The following CDK10 variants were observed in gnomAD, a reference collection of about 807,000 sequenced individuals.
CDK10 encodes the protein cyclin dependent kinase 10.
Under a neutral mutation model 51.0 loss-of-function variants are expected in CDK10, and 55 were observed. That is an observed-to-expected ratio of 1.08 (90% CI 0.87 to 1.35). The LOEUF is 1.35. Ranked by LOEUF, CDK10 falls within the 40% of genes most tolerant of loss-of-function variation. CDK10 has a pLI of 0.00. For synonymous variants in CDK10, 255 were observed against 199.1 expected (o/e 1.28, Z -2.36); for missense variants, 589 against 485.1 (o/e 1.21, Z -2.01).
At position 89,690,630 on chromosome 16, in the gene CDK10, C is replaced by G; in HGVS notation, c.232+6C>G. On this transcript the variant is annotated splice_donor_region_variant and intron_variant, in intron 3 of 12. Coordinates refer to ENST00000353379, the MANE Select transcript of CDK10 (RefSeq NM_052988.5). Reference sequence around the variant, plus strand: ...GATGGACAAGGAGAAGGATGGTGAGCAGGAAATTGGGGTGTTGGGACCTCG... The same window carrying G: ...GATGGACAAGGAGAAGGATGGTGAGGAGGAAATTGGGGTGTTGGGACCTCG... The G allele has an allele frequency of 6.2e-7, 1 of 1,612,930 alleles. No homozygotes were observed. Among genetic ancestry groups the G allele is most frequent in the Non-Finnish European group, 8.5e-7 (1 of 1,178,956 alleles).
chr16:89,693,499 G>A, intron 8 of CDK10, 32 bp downstream of exon 8: 1 of 1,607,820 alleles, frequency 6.2e-7, no homozygotes, highest in Non-Finnish European at 8.5e-7. Context: ...TGGCCCCTGG[G>A]GACCAGGCCT....
At chr16:89,690,808 G>A (rs946249729) in intron 3 of CDK10, among the ~76,000 whole-genome samples, 184 bp downstream of exon 3, 1 of 152,078 alleles carries the variant, frequency 6.6e-6, no homozygotes, top group African/African-American at 2.4e-5. Flanking sequence ...CTGCCAGGAG[G>A]GCTCTGCAGT....
intron 1 of CDK10, among the ~76,000 whole-genome samples, chr16:89,688,226 C>T (rs1453260925): frequency 4.6e-5 from 7 of 151,920 alleles, no homozygotes; most frequent in South Asian, 2.1e-4. Context: ...GGACTACAGG[C>T]GCCCGCCACC....
chr16:89,695,565 C>A, intron 12 of CDK10, 30 bp from the exon 13 acceptor site: 2 of 1,582,538 alleles, frequency 1.3e-6, no homozygotes, highest in East Asian at 2.3e-5. Flanking sequence ...GGGCCCTGCC[C>A]CGCCCAGCAC....
At position 89,694,924 on chromosome 16, in the gene CDK10, C is replaced by A. The variant is rs1597875633; in HGVS notation, c.793-7C>A. ...GCCCTCTGCGCCTCAGCTCCTGCCT[C>A]CCATAGGGCTTTTCCAAGCTGCCAC... On this transcript the variant is annotated splice_region_variant and splice_polypyrimidine_tract_variant and intron_variant, in intron 10 of 12. Transcript: ENST00000353379. The A allele has an allele frequency of 1.2e-6, 2 of 1,612,638 alleles. No homozygotes were observed. Among genetic ancestry groups the A allele is most frequent in the Admixed American group, 3.3e-5 (2 of 60,000 alleles).
Position 89,694,978 on chromosome 16 carries a change from GC to G in CDK10, c.843del (p.Tyr282ThrfsTer4). The G allele has an allele frequency of 6.2e-7, 1 of 1,613,436 alleles. No homozygotes were observed. Among genetic ancestry groups the G allele is most frequent in the South Asian group, 1.1e-5 (1 of 91,088 alleles). On this transcript the variant is annotated frameshift_variant, in exon 11 of 13. Coordinates refer to ENST00000353379, the MANE Select transcript of CDK10 (RefSeq NM_052988.5). LOFTEE classifies it high-confidence loss of function. The stretch of plus-strand genomic sequence containing the variant: ...TCGGCCAGTACAGCCTCCGGAAGCA[GC>G]CCTACAACAACCTGAAGCACAAGTT... ...LVGQYSLRKQ[P>X]YNNLKHKFPW...
In CDK10 at chr16:89,690,436, A is replaced by G. The variant is rs550478737; in HGVS notation, c.161-117A>G. 1.6e-5 allele frequency: 13 copies of G among 798,480 alleles called. No individual in the cohort carries two copies. In the African/African-American group the frequency reaches 2.2e-4, roughly 13 times the overall value. The allele number at this position is 798,480 out of a possible 1,614,324, so 49.5% of individuals were successfully genotyped here. On this transcript the variant is annotated intron_variant, in intron 2 of 12. Coordinates refer to ENST00000353379, the MANE Select transcript of CDK10 (RefSeq NM_052988.5). ...TGGGGACTGAGTGTCACTGGGCATGAGGTTGTCAGAGGAAAGAACGGGGAC... is the reference window on the plus strand; with the variant it reads ...TGGGGACTGAGTGTCACTGGGCATGGGGTTGTCAGAGGAAAGAACGGGGAC...
At position 89,694,583 on chromosome 16, in the gene CDK10, T is replaced by C; in HGVS notation, c.669-82T>C. 1.9e-6 allele frequency: 3 copies of C among 1,540,496 alleles called. 1 individual carries two copies. In the South Asian group the frequency reaches 3.6e-5, roughly 18 times the overall value. The stretch of plus-strand genomic sequence containing the variant: ...CACACTGGCAGGGTCAGCAAAGGTC[T>C]GGCTGCAGTCAGGTCCTCTGTTCCT... On this transcript the variant is annotated intron_variant, in intron 9 of 12. Transcript: ENST00000353379.
At chr16:89,688,116 C>CTAA (rs1055005769) in intron 1 of CDK10, among the ~76,000 whole-genome samples, 6 of 116,638 alleles carry the variant, frequency 5.1e-5, no homozygotes, top group African/African-American at 1.7e-4. Flanking sequence ...GAGTCTCATT[C>CTAA]TGTCACCCAG....
rs1334230966 is a variant in CDK10 at position 89,695,785 on chromosome 16, C to G, written c.*93C>G. On this transcript the variant is annotated 3_prime_UTR_variant, in exon 13 of 13. Coordinates refer to ENST00000353379, the MANE Select transcript of CDK10 (RefSeq NM_052988.5). ...CCGCGAGCCAGGCTGACCAGGCGCC[C>G]GGGATCCAGCTCATCCCCTTGGCTG... 1.9e-6 allele frequency: 3 copies of G among 1,574,814 alleles called. No homozygotes were observed. Among genetic ancestry groups the G allele is most frequent in the African/African-American group, 1.3e-5 (1 of 74,524 alleles).
chr16:89,693,257 C>T lies in CDK10; in HGVS notation c.486-17C>T, dbSNP rs1453915752. 1.2e-6 allele frequency: 2 copies of T among 1,613,978 alleles called. No individual in the cohort carries two copies. Among genetic ancestry groups the T allele is most frequent in the Non-Finnish European group, 1.7e-6 (2 of 1,179,966 alleles). The stretch of plus-strand genomic sequence containing the variant: ...GTGGCCCTCTGGGAGCCACCTGCCA[C>T]TGTTTTTCCATCACAGGGACCTGAA... On this transcript the variant is annotated splice_polypyrimidine_tract_variant and intron_variant, in intron 6 of 12. Coordinates refer to ENST00000353379, the MANE Select transcript of CDK10 (RefSeq NM_052988.5).
chr16:89,695,592 C>T lies in CDK10; in HGVS notation c.986-3C>T, dbSNP rs776125808. On this transcript the variant is annotated splice_region_variant and splice_polypyrimidine_tract_variant and intron_variant, in intron 12 of 12. Coordinates refer to ENST00000353379, the MANE Select transcript of CDK10 (RefSeq NM_052988.5). ...GCCCAGCACTGAACCCTTCTCCCTG[C>T]AGCCTGTGAGCCGGAGCTCATGCCG... 3.1e-6 allele frequency: 5 copies of T among 1,601,478 alleles called. No homozygotes were observed. Among genetic ancestry groups the T allele is most frequent in the African/African-American group, 2.7e-5 (2 of 74,540 alleles).
chr16:89,691,614 G>A, intron 4 of CDK10, 69 bp downstream of exon 4: 1 of 1,382,230 alleles, frequency 7.2e-7, no homozygotes, highest in Non-Finnish European at 1.0e-6. Context: ...GTGTTGCACA[G>A]AGCGAGGACT....
At chr16:89,694,266 A>C (rs770340711) in intron 9 of CDK10, 34 bp downstream of exon 9, 1 of 1,608,098 alleles carries the variant, frequency 6.2e-7, no homozygotes. Flanking sequence ...CTGGGGCCTC[A>C]GGAAGGGCTG....
intron 2 of CDK10, 40 bp from the exon 3 acceptor site, chr16:89,690,513 G>C (rs1037418376): frequency 6.3e-7 from 1 of 1,579,756 alleles, no homozygotes; most frequent in Non-Finnish European, 8.7e-7. Flanking sequence ...CCCACGAGGG[G>C]CATCGAGATG....
At chr16:89,687,529 C>T (rs1377318145) in intron 1 of CDK10, 1 of 455,990 alleles carries the variant, frequency 2.2e-6, no homozygotes. Flanking sequence ...GAGCCGTGTG[C>T]TGGACTCTGG....
In CDK10 at chr16:89,695,649, C is replaced by T. The variant is rs750866010; in HGVS notation, c.1040C>T (p.Ala347Val). 5.6e-6 allele frequency: 9 copies of T among 1,604,570 alleles called. No individual in the cohort carries two copies. Among genetic ancestry groups the T allele is most frequent in the East Asian group, 2.2e-5 (1 of 44,460 alleles). ...TFPHHRNKRA[A>V]PATSEGQSKR... ...CCCCACCACCGCAACAAGCGGGCCG[C>T]CCCAGCCACCTCCGAGGGCCAGAGC... Residue 347 changes from alanine to valine, a missense_variant, in exon 13 of 13, where the codon GCC becomes GTC. By Grantham distance (64) the Ala-to-Val change is moderately conservative. Transcript: ENST00000353379.
chr16:89,695,490 A>G (rs1160442055), intron 12 of CDK10, 105 bp from the exon 13 acceptor site: 21 of 1,480,338 alleles, frequency 1.4e-5, no homozygotes, highest in Admixed American at 1.9e-5. Flanking sequence ...GTGGAGGCAC[A>G]GACAGCCCAG....
At chr16:89,690,648 G>C (rs1454265982) in intron 3 of CDK10, 24 bp downstream of exon 3, 1 of 1,596,500 alleles carries the variant, frequency 6.3e-7, no homozygotes, top group Non-Finnish European at 8.6e-7. Flanking sequence ...TGGGGTGTTG[G>C]GACCTCGCAC....
Sources: gnomAD v4.1 joint callset for allele counts (sites outside exome capture counted in the v4.1 genomes callset) on GRCh38, gnomAD v4.1.1 for gene constraint, MANE v1.5 for transcripts, NCBI Gene and HGNC (gene_info 2026-07-23, HGNC 2026-07-21) for gene names.